RAB31: variants seen among roughly 807,000 people sequenced by gnomAD.
RAB31 encodes the protein RAB31, member RAS oncogene family, also known as ras-related protein Rab-31.
In RAB31, 21 loss-of-function variants were observed where a neutral mutation model predicts 25.6. That is an observed-to-expected ratio of 0.82 (90% CI 0.58 to 1.18). The LOEUF (loss-of-function observed/expected upper bound fraction) is 1.18. Ranked by LOEUF, RAB31 falls within the 50% of genes most tolerant of loss-of-function variation. The pLI, the probability that RAB31 is intolerant of heterozygous loss-of-function variation, is 0.00. For synonymous variants in RAB31, 87 were observed against 84.0 expected, an observed-to-expected ratio of 1.04 and a Z score of -0.20; for missense variants, 196 against 250.1, an observed-to-expected ratio of 0.78 and a Z score of 1.46.
At chr18:9,773,892 C>T (rs1326677356) in intron 1 of RAB31, among the ~76,000 whole-genome samples, 1 of 152,104 alleles carries the variant, frequency 6.6e-6, no homozygotes, top group African/African-American at 2.4e-5. Context: ...AACTCCTGGC[C>T]TCAAGTGTTC....
intron 1 of RAB31, among the ~76,000 whole-genome samples, chr18:9,762,704 G>C (rs1266278226): frequency 6.6e-6 from 1 of 152,156 alleles, no homozygotes; most frequent in African/African-American, 2.4e-5. Flanking sequence ...GGAACTGAAG[G>C]AGTTATGGAA....
intron 3 of RAB31, among the ~76,000 whole-genome samples, chr18:9,804,990 T>C (rs9949761): frequency 6.6e-6 from 1 of 152,006 alleles, no homozygotes; most frequent in East Asian, 1.9e-4. Context: ...ATGGGTCTCA[T>C]GCCTGTGGTC....
At chr18:9,755,840 GC>G (rs2068258065) in intron 1 of RAB31, among the ~76,000 whole-genome samples, 1 of 152,222 alleles carries the variant, frequency 6.6e-6, no homozygotes, top group Admixed American at 6.5e-5. Flanking sequence ...GGAAGTGGGG[GC>G]TTTTGCTGCC....
At chr18:9,851,720 A>G (rs1465887544) in intron 6 of RAB31, among the ~76,000 whole-genome samples, 1 of 152,200 alleles carries the variant, frequency 6.6e-6, no homozygotes, top group Admixed American at 6.5e-5. Flanking sequence ...ATCATGGTAC[A>G]CCCATATAAA....
rs1443878757 is a variant in RAB31 at position 9,798,787 on chromosome 18, T to TA, written c.201+6552_201+6553insA. On this transcript the variant is annotated intron_variant, in intron 3 of 6. Coordinates refer to ENST00000578921, the MANE Select transcript of RAB31 (RefSeq NM_006868.4). ...GTGTATGCCACCATGCGCAGCTAAT[T>TA]TAAAAAAAAAAAAAAAATTGGGCCA... 1.0e-3 allele frequency among the ~76,000 whole-genome samples: 40 copies of TA among 39,518 alleles called. No individual in the cohort carries two copies. The East Asian group carries it at 0.06, about 60-fold the overall frequency. 25.9% of individuals were successfully genotyped at this position (39,518 alleles called of 152,430 possible).
At chr18:9,854,276 G>A (rs909013996) in intron 6 of RAB31, among the ~76,000 whole-genome samples, 1 of 152,138 alleles carries the variant, frequency 6.6e-6, no homozygotes, top group African/African-American at 2.4e-5. Context: ...TGGAGGGGAA[G>A]CCTAATGATT....
intron 1 of RAB31, among the ~76,000 whole-genome samples, chr18:9,725,565 G>C (rs561506933): frequency 6.6e-6 from 1 of 152,140 alleles, no homozygotes; most frequent in Non-Finnish European, 1.5e-5. Context: ...AGTTATTTTT[G>C]TTATTGTTAT....
chr18:9,757,329 G>A (rs925930354), intron 1 of RAB31, among the ~76,000 whole-genome samples: 1 of 152,176 alleles, frequency 6.6e-6, no homozygotes, highest in Admixed American at 6.5e-5. Flanking sequence ...TGGAGCAGGT[G>A]CCTGCGGGCA....
At position 9,815,120 on chromosome 18, in the gene RAB31, C is replaced by A; in HGVS notation, c.278C>A (p.Ser93Ter). ...VIVYDITKQD[S>*]FYTLKKWVKE... is the part of the protein sequence containing the mutation. ...TTGTGTACACTGTTGGTTTAGGATTCATTTTATACCTTGAAGAAATGGGTC... is the reference window on the plus strand; with the variant it reads ...TTGTGTACACTGTTGGTTTAGGATTAATTTTATACCTTGAAGAAATGGGTC... Residue 93 changes from serine (S) to a stop codon, truncating the protein, a stop_gained, in exon 5 of 7, where the codon TCA becomes TAA. Transcript: ENST00000578921. LOFTEE classifies it high-confidence loss of function. 7 of 1,541,836 alleles carry A rather than the reference C, an allele frequency of 4.5e-6. No individual in the cohort carries two copies. The highest frequency in any genetic ancestry group is 1.2e-5 in the South Asian group (1 of 83,858).
chr18:9,809,123 C>G (rs2068557465), intron 3 of RAB31, among the ~76,000 whole-genome samples: 1 of 152,228 alleles, frequency 6.6e-6, no homozygotes, highest in African/African-American at 2.4e-5. Flanking sequence ...GTAGTGCACA[C>G]TACACGGAAG....
At chr18:9,837,870 G>C (rs1352018320) in intron 5 of RAB31, among the ~76,000 whole-genome samples, 1 of 152,126 alleles carries the variant, frequency 6.6e-6, no homozygotes, top group Non-Finnish European at 1.5e-5. Flanking sequence ...TGCTTCTATG[G>C]AATGTTGATA....
intron 5 of RAB31, among the ~76,000 whole-genome samples, chr18:9,820,311 T>G (rs2068618455): frequency 6.6e-6 from 1 of 152,114 alleles, no homozygotes; most frequent in Admixed American, 6.5e-5. Context: ...GTTAATTGAT[T>G]TTGGGATGTT....
At chr18:9,813,414 G>C (rs2068585007) in intron 3 of RAB31, among the ~76,000 whole-genome samples, 1 of 152,166 alleles carries the variant, frequency 6.6e-6, no homozygotes, top group Non-Finnish European at 1.5e-5. Flanking sequence ...TTAGAGAAAT[G>C]ATGAGCAGCA....
At chr18:9,824,097 C>T (rs2068636859) in intron 5 of RAB31, among the ~76,000 whole-genome samples, 2 of 152,226 alleles carry the variant, frequency 1.3e-5, no homozygotes, top group African/African-American at 4.8e-5. Context: ...ACTCTAATCC[C>T]AAAGTACTTT....
intron 1 of RAB31, among the ~76,000 whole-genome samples, chr18:9,748,456 T>C (rs2068216640): frequency 6.6e-6 from 1 of 152,060 alleles, no homozygotes; most frequent in Non-Finnish European, 1.5e-5. Context: ...CAGTAAGCCA[T>C]GATTGCACCA....
At chr18:9,824,697 C>T (rs758830798) in intron 5 of RAB31, among the ~76,000 whole-genome samples, 17 of 152,294 alleles carry the variant, frequency 1.1e-4, no homozygotes, top group Middle Eastern at 3.4e-3. Context: ...TATAAAGGTC[C>T]GCCCCACTCC....
At chr18:9,762,747 C>T (rs1005450721) in intron 1 of RAB31, among the ~76,000 whole-genome samples, 10 of 152,260 alleles carry the variant, frequency 6.6e-5, no homozygotes, top group Admixed American at 3.9e-4. Context: ...AAGTCGTCTT[C>T]CTTCTTTAAC....
chr18:9,808,283 TAGAA>T (rs1484778282), intron 3 of RAB31, among the ~76,000 whole-genome samples: 1 of 152,190 alleles, frequency 6.6e-6, no homozygotes, highest in Non-Finnish European at 1.5e-5. Flanking sequence ...TATGATATAA[TAGAA>T]AGGTTTTTTG....
At chr18:9,722,196 G>A (rs145280460) in intron 1 of RAB31, among the ~76,000 whole-genome samples, 1 of 152,186 alleles carries the variant, frequency 6.6e-6, no homozygotes, top group Non-Finnish European at 1.5e-5. Flanking sequence ...AAGTGAGAGA[G>A]CTTGCTAAGG....
Sources: gnomAD v4.1 joint callset for allele counts (sites outside exome capture counted in the v4.1 genomes callset) on GRCh38, gnomAD v4.1.1 for gene constraint, MANE v1.5 for transcripts, NCBI Gene and HGNC (gene_info 2026-07-23, HGNC 2026-07-21) for gene names.